The following CCNC variants were observed in gnomAD, a reference collection of about 807,000 sequenced individuals.
CCNC encodes cyclin C.
CCNC carries 19 observed loss-of-function variants against 50.0 expected under a neutral mutation model. The observed-to-expected ratio is 0.38, with a 90% CI of 0.27 to 0.56. The LOEUF (loss-of-function observed/expected upper bound fraction) is 0.56, where lower values mean the gene tolerates loss of function less well. Ranked by LOEUF, CCNC falls within the 20% of genes least tolerant of loss-of-function variation. CCNC has a pLI of 0.72. For synonymous variants in CCNC, 93 were observed against 103.7 expected (o/e 0.90, Z 0.63); for missense variants, 200 against 327.1 (o/e 0.61, Z 3.00).
rs187553040 is a variant in CCNC, at chr6:99,558,317, A to T, written c.346+180T>A. The T allele has an allele frequency of 1.9e-3, 1,532 of 812,712 alleles. 2 individuals are homozygous for T. Among genetic ancestry groups the T allele is most frequent in the Middle Eastern group, 4.9e-3 (12 of 2,448 alleles). 50.3% of individuals were successfully genotyped at this position (812,712 alleles called of 1,614,324 possible). A position where few individuals can be genotyped will look rare whatever the true frequency, so the allele number is the denominator to read the frequency against. ...AAAAGTAATATCTTTATATCTTTTTAAAAAAAAACCTTTTAGCTTGATTTT... is the reference window on the plus strand; with the variant it reads ...AAAAGTAATATCTTTATATCTTTTTTAAAAAAAACCTTTTAGCTTGATTTT... On this transcript the variant is annotated intron_variant, in intron 5 of 11. Transcript: ENST00000520429.
chr6:99,558,506 T>C lies in CCNC; in HGVS notation c.337A>G (p.Thr113Ala). The C allele has an allele frequency of 6.2e-7, 1 of 1,610,512 alleles. No individual in the cohort carries two copies. ...VSNTRLIAAA[T>A]SVLKTRFSYA... Reference sequence around the variant, plus strand: ...TACTTTTTGCACTTACATACAGAAGTAGCAGCAGCAATCAATCTTGTATTT... The same window carrying C: ...TACTTTTTGCACTTACATACAGAAGCAGCAGCAGCAATCAATCTTGTATTT... Residue 113 changes from threonine (T) to alanine (A), a missense_variant, in exon 5 of 12, where the codon ACT (threonine) becomes GCT (alanine). Coordinates refer to ENST00000520429, the MANE Select transcript of CCNC (RefSeq NM_005190.4).
Position 99,545,110 on chromosome 6 carries a change from A to T in CCNC, c.797+2T>A. The stretch of plus-strand genomic sequence containing the variant: ...CATCAATAATTAAAGTCTACAAAGT[A>T]CCTGTTTGGAGGTGGTTTTGGTTTT... On this transcript the variant is annotated splice_donor_variant, in intron 11 of 11. Coordinates refer to ENST00000520429, the MANE Select transcript of CCNC (RefSeq NM_005190.4). LOFTEE classifies it high-confidence loss of function. 7.0e-7 allele frequency: 1 copy of T among 1,424,616 alleles called. No homozygotes were observed. The highest frequency in any genetic ancestry group is 9.9e-7 in the Non-Finnish European group (1 of 1,007,808). The allele number at this position is 1,424,616 out of a possible 1,614,324, so 88.2% of individuals were successfully genotyped here. A position where few individuals can be genotyped will look rare whatever the true frequency, so the allele number is the denominator to read the frequency against.
chr6:99,553,532 C>G (rs190388989), intron 5 of CCNC, among the ~76,000 whole-genome samples: 79 of 152,240 alleles, frequency 5.2e-4, no homozygotes, highest in African/African-American at 1.9e-3. Flanking sequence ...GTTTGTCTTA[C>G]CACTTATACA....
intron 10 of CCNC, among the ~76,000 whole-genome samples, 169 bp downstream of exon 10, chr6:99,546,226 A>G (rs1183568640): frequency 6.6e-6 from 1 of 152,206 alleles, no homozygotes; most frequent in Non-Finnish European, 1.5e-5. Flanking sequence ...TAGGCCTCCC[A>G]AAGTGCTGGG....
At chr6:99,560,959 C>T (rs532797341) in intron 4 of CCNC, among the ~76,000 whole-genome samples, 11 of 152,316 alleles carry the variant, frequency 7.2e-5, no homozygotes, top group African/African-American at 2.6e-4. Flanking sequence ...GAATACTACT[C>T]AGTGCCAAAC....
chr6:99,547,228 C>A (rs1027610575), intron 9 of CCNC, among the ~76,000 whole-genome samples: 8 of 152,002 alleles, frequency 5.3e-5, no homozygotes, highest in African/African-American at 1.9e-4. Context: ...AGGCAAATAG[C>A]AACTCAAATG....
At chr6:99,568,397 C>G (rs1769248301) in intron 1 of CCNC, 99 bp downstream of exon 1, 3 of 1,227,448 alleles carry the variant, frequency 2.4e-6, no homozygotes. Flanking sequence ...CCCCGGCACT[C>G]GGAACTGAGC....
chr6:99,553,573 T>G (rs999479616), intron 5 of CCNC, among the ~76,000 whole-genome samples: 2 of 152,216 alleles, frequency 1.3e-5, no homozygotes, highest in Admixed American at 6.5e-5. Flanking sequence ...TGATAACTCC[T>G]GCTATTTTTT....
chr6:99,568,675 G>A (rs1769268873), upstream of CCNC: 4 of 1,505,900 alleles, frequency 2.7e-6, no homozygotes, highest in Non-Finnish European at 3.5e-6. Flanking sequence ...AAAGGAAGAG[G>A]ATGGCCCCCT....
At chr6:99,551,112 A>G (rs1802280003) in intron 6 of CCNC, 84 bp from the exon 7 acceptor site, 8 of 677,096 alleles carry the variant, frequency 1.2e-5, no homozygotes, top group Non-Finnish European at 1.6e-5. Flanking sequence ...AATTACAGAC[A>G]TTATAGTAAT....
chr6:99,565,676 G>A (rs1365908749), intron 1 of CCNC, among the ~76,000 whole-genome samples: 9 of 151,912 alleles, frequency 5.9e-5, no homozygotes, highest in Non-Finnish European at 1.3e-4. Flanking sequence ...TGTTAAGGAA[G>A]CATCCTATTT....
In CCNC at chr6:99,565,590, A is replaced by G. The variant is rs550755165; in HGVS notation, c.33-2642T>C. Among the ~76,000 whole-genome samples the G allele has an allele frequency of 3.0e-4, 46 of 152,172 alleles. 1 individual carries two copies. In the East Asian group the frequency reaches 5.6e-3, roughly 19 times the overall value. On this transcript the variant is annotated intron_variant, in intron 1 of 11. Transcript: ENST00000520429. ...CTCCTTTGTATCAACTGTATTGACT[A>G]GCATATTGGTAAAATCTTAAATAGG...
Position 99,542,508 on chromosome 6 carries a change from A to G in CCNC, c.*1047T>C, listed in dbSNP as rs1801921723. ...TTAAATTGTGCATCAATATCCTATGACTCCAAATTTTATTTATCACTCTCC... is the reference window on the plus strand; with the variant it reads ...TTAAATTGTGCATCAATATCCTATGGCTCCAAATTTTATTTATCACTCTCC... On this transcript the variant is annotated 3_prime_UTR_variant, in exon 12 of 12. Coordinates refer to ENST00000520429, the MANE Select transcript of CCNC (RefSeq NM_005190.4). The G allele has an allele frequency of 6.6e-6, 1 of 152,576 alleles. No individual in the cohort carries two copies. The highest frequency in any genetic ancestry group is 2.4e-5 in the African/African-American group (1 of 41,440). The allele number at this position is 152,576 out of a possible 1,614,324, so 9.5% of individuals were successfully genotyped here.
intron 11 of CCNC, among the ~76,000 whole-genome samples, chr6:99,544,745 GA>G (rs34449935): frequency 0.6 from 73,444 of 122,290 alleles, 20,296 homozygotes; most frequent in Middle Eastern, 0.68. Context: ...AGCCAGCAGT[GA>G]AAAAAAAAAA....
At chr6:99,563,937 T>C (rs1367540589) in intron 1 of CCNC, among the ~76,000 whole-genome samples, 1 of 152,244 alleles carries the variant, frequency 6.6e-6, no homozygotes, top group Admixed American at 6.5e-5. Context: ...TTTTCCTGAA[T>C]GATATTCTTC....
At chr6:99,549,387 G>T in intron 9 of CCNC, 121 bp downstream of exon 9, 1 of 724,080 alleles carries the variant, frequency 1.4e-6, no homozygotes. Flanking sequence ...CACATGCAAG[G>T]ATTAGTCTAT....
intron 1 of CCNC, among the ~76,000 whole-genome samples, chr6:99,564,996 A>G (rs761524533): frequency 5.3e-5 from 8 of 152,116 alleles, no homozygotes; most frequent in Non-Finnish European, 1.2e-4. Flanking sequence ...GTATTTCCTG[A>G]TTTATAATTC....
chr6:99,543,819 C>G, intron 11 of CCNC: 2 of 1,376,756 alleles, frequency 1.5e-6, no homozygotes, highest in Non-Finnish European at 1.9e-6. Context: ...TTTGTGCCCT[C>G]ACATATAACA....
chr6:99,546,736 A>C (rs1055674456), intron 9 of CCNC, among the ~76,000 whole-genome samples: 11 of 152,212 alleles, frequency 7.2e-5, no homozygotes, highest in African/African-American at 2.7e-4. Context: ...AGGCACGTTA[A>C]AGAGGAAAAA....
Sources: allele counts gnomAD v4.1 joint callset (sites outside exome capture counted in the v4.1 genomes callset), GRCh38; gene constraint gnomAD v4.1.1; transcripts MANE v1.5; gene names NCBI Gene and HGNC (gene_info 2026-07-23, HGNC 2026-07-21).